The following SLC38A4 variants were observed in gnomAD, a reference collection of about 807,000 sequenced individuals.
The protein encoded by SLC38A4 is solute carrier family 38 member 4.
A neutral mutation model predicts 63.1 loss-of-function variants in SLC38A4; 20 were observed. The observed-to-expected ratio is 0.32, with a 90% CI of 0.22 to 0.46. SLC38A4 has a LOEUF of 0.46. SLC38A4 is among the 20% of genes least tolerant of loss of function. The probability of loss-of-function intolerance (pLI) is 1.00; values close to 1 mark genes in which losing one functional copy is unlikely to be tolerated. For missense variants in SLC38A4, 526 were observed against 663.6 expected, an observed-to-expected ratio of 0.79 and a Z score of 2.28; for synonymous variants, 230 against 225.5, an observed-to-expected ratio of 1.02 and a Z score of -0.18.
chr12:46,794,389 G>A (rs898014887), intron 2 of SLC38A4, among the ~76,000 whole-genome samples: 3 of 151,822 alleles, frequency 2.0e-5, no homozygotes, highest in Non-Finnish European at 2.9e-5. Context: ...AAATAACAAA[G>A]CAATTTAAAA....
rs1555170941 is a variant in SLC38A4 at position 46,783,051 on chromosome 12, T to TGTGCGC, written c.493+1490_493+1491insGCGCAC. On this transcript the variant is annotated intron_variant, in intron 7 of 16. Transcript: ENST00000266579. The stretch of plus-strand genomic sequence containing the variant: ...GTGTGTGTGTGTGTGTGTGTGTGTG[T>TGTGCGC]GTGTGTGTTAGGGTTGGAGGACTTT... 6.2e-4 allele frequency among the ~76,000 whole-genome samples: 88 copies of TGTGCGC among 141,090 alleles called. No homozygotes were observed. In the East Asian group the frequency reaches 0.013, roughly 21 times the overall value. 92.6% of individuals were successfully genotyped at this position (141,090 alleles called of 152,430 possible). A position where few individuals can be genotyped will look rare whatever the true frequency, so the allele number is the denominator to read the frequency against.
upstream of SLC38A4, among the ~76,000 whole-genome samples, chr12:46,826,664 G>C (rs545912971): frequency 3.9e-4 from 59 of 152,278 alleles, 1 homozygote; most frequent in Middle Eastern, 0.017. Flanking sequence ...GGCAAAAAGT[G>C]GGAGAGCCAA....
intron 1 of SLC38A4, among the ~76,000 whole-genome samples, chr12:46,812,224 C>T (rs1939352050): frequency 6.6e-6 from 1 of 151,946 alleles, no homozygotes; most frequent in Non-Finnish European, 1.5e-5. Context: ...ATAAGATAAT[C>T]ATATTGACTT....
At chr12:46,797,502 C>G (rs938761963) in intron 2 of SLC38A4, among the ~76,000 whole-genome samples, 1 of 152,158 alleles carries the variant, frequency 6.6e-6, no homozygotes, top group Non-Finnish European at 1.5e-5. Context: ...TCCTGTTTCT[C>G]AGCCTTTGGC....
chr12:46,777,431 A>G (rs559218829), intron 12 of SLC38A4, among the ~76,000 whole-genome samples: 2 of 152,120 alleles, frequency 1.3e-5, no homozygotes, highest in East Asian at 3.9e-4. Flanking sequence ...GCTTCTGAAA[A>G]CCATTCTAGA....
At chr12:46,797,327 C>T (rs536123935) in intron 2 of SLC38A4, among the ~76,000 whole-genome samples, 6 of 152,228 alleles carry the variant, frequency 3.9e-5, no homozygotes, top group African/African-American at 1.4e-4. Context: ...AGGTGAGCAT[C>T]CTCCAAACAC....
intron 1 of SLC38A4, among the ~76,000 whole-genome samples, chr12:46,831,784 G>C (rs890650849): frequency 6.6e-6 from 1 of 152,206 alleles, no homozygotes; most frequent in South Asian, 2.1e-4. Flanking sequence ...CAGGGACTCG[G>C]GTAACACCTT....
chr12:46,790,499 C>T (rs1411625326), intron 3 of SLC38A4, among the ~76,000 whole-genome samples: 1 of 152,062 alleles, frequency 6.6e-6, no homozygotes, highest in Non-Finnish European at 1.5e-5. Context: ...ATAATGTTCA[C>T]AGTTGGAGAC....
chr12:46,831,945 T>G (rs1220579853), intron 1 of SLC38A4, among the ~76,000 whole-genome samples: 8 of 148,274 alleles, frequency 5.4e-5, no homozygotes, highest in African/African-American at 2.1e-4. Flanking sequence ...GAGGCGGAGG[T>G]GCCCCATACC....
intron 1 of SLC38A4, among the ~76,000 whole-genome samples, chr12:46,819,936 C>G (rs1478792506): frequency 1.3e-5 from 2 of 151,884 alleles, no homozygotes; most frequent in African/African-American, 4.8e-5. Context: ...ATAATGATGA[C>G]TCCGAGGCAC....
At chr12:46,788,486 C>A (rs768526819) in intron 4 of SLC38A4, 42 bp downstream of exon 4, 2 of 1,498,666 alleles carry the variant, frequency 1.3e-6, no homozygotes, top group Non-Finnish European at 1.9e-6. Context: ...AGATCAGACA[C>A]CCTCAGTCCC....
intron 6 of SLC38A4, among the ~76,000 whole-genome samples, 184 bp downstream of exon 6, chr12:46,784,918 GTT>G (rs1215592971): frequency 2.3e-4 from 35 of 152,194 alleles, no homozygotes; most frequent in African/African-American, 8.2e-4. Flanking sequence ...ACCTGAGCCA[GTT>G]GACTTTCACT....
chr12:46,765,622 A>C lies in SLC38A4; in HGVS notation c.*1079T>G, dbSNP rs1222979856. 1.1e-5 allele frequency: 2 copies of C among 182,812 alleles called. No homozygotes were observed. The highest frequency in any genetic ancestry group is 2.4e-5 in the Non-Finnish European group (2 of 84,946). 11.3% of individuals were successfully genotyped at this position (182,812 alleles called of 1,614,324 possible). ...AATGGATTTTCGAGCCCACCAACTTAATTCCCTGCCCCCACCCCCAATAAT... is the reference window on the plus strand; with the variant it reads ...AATGGATTTTCGAGCCCACCAACTTCATTCCCTGCCCCCACCCCCAATAAT... On this transcript the variant is annotated 3_prime_UTR_variant, in exon 17 of 17. Coordinates refer to ENST00000266579, the MANE Select transcript of SLC38A4 (RefSeq NM_018018.5).
chr12:46,828,431 C>CCTG (rs1323410457), upstream of SLC38A4, among the ~76,000 whole-genome samples: 2 of 152,160 alleles, frequency 1.3e-5, no homozygotes, highest in African/African-American at 4.8e-5. Context: ...AAGCAATTCT[C>CCTG]CTGCCTTAGC....
chr12:46,782,137 A>G (rs1938655943), intron 7 of SLC38A4, among the ~76,000 whole-genome samples: 3 of 152,028 alleles, frequency 2.0e-5, no homozygotes, highest in Admixed American at 2.0e-4. Flanking sequence ...CTGCTTACCA[A>G]CTATCCATTA....
chr12:46,769,766 G>T (rs575814578), intron 14 of SLC38A4, among the ~76,000 whole-genome samples: 345 of 152,126 alleles, frequency 2.3e-3, no homozygotes, highest in Non-Finnish European at 3.0e-3. Context: ...TTATGTTACA[G>T]GTACCTCCAC....
chr12:46,769,536 C>T, intron 14 of SLC38A4, 108 bp from the exon 15 acceptor site: 12 of 1,240,852 alleles, frequency 9.7e-6, no homozygotes, highest in Non-Finnish European at 1.3e-5. Flanking sequence ...TTCTTTTTTC[C>T]CAGAAAAGAT....
intron 1 of SLC38A4, among the ~76,000 whole-genome samples, chr12:46,821,574 C>T (rs1592198650): frequency 6.6e-6 from 1 of 152,028 alleles, no homozygotes; most frequent in African/African-American, 2.4e-5. Context: ...TTTTTTGGTA[C>T]CATATTTTTT....
At chr12:46,817,404 T>C (rs1939462065) in intron 1 of SLC38A4, among the ~76,000 whole-genome samples, 1 of 151,642 alleles carries the variant, frequency 6.6e-6, no homozygotes, top group Admixed American at 6.6e-5. Context: ...CACTAGATGC[T>C]TGACAGGGAG....
Sources: allele counts gnomAD v4.1 joint callset (sites outside exome capture counted in the v4.1 genomes callset), GRCh38; gene constraint gnomAD v4.1.1; transcripts MANE v1.5; gene names NCBI Gene and HGNC (gene_info 2026-07-23, HGNC 2026-07-21).